The following H2AX variants were observed in gnomAD, a reference collection of about 807,000 sequenced individuals.
H2AX encodes the protein histone H2AX.
In H2AX, 2 loss-of-function variants were observed where a neutral mutation model predicts 8.0. The ratio of observed to expected loss-of-function variants is 0.25; its 90% CI spans 0.10 to 0.79. The LOEUF (loss-of-function observed/expected upper bound fraction) is 0.79, where lower values mean the gene tolerates loss of function less well. H2AX is among the 30% of genes least tolerant of loss of function. The pLI is 0.69. For missense variants in H2AX, 105 were observed against 201.0 expected, an observed-to-expected ratio of 0.52 and a Z score of 2.89; for synonymous variants, 110 against 102.5, an observed-to-expected ratio of 1.07 and a Z score of -0.44.
rs1946370586 is a variant in H2AX at position 119,095,221 on chromosome 11, G to A, written c.174C>T (p.Tyr58=). 1.2e-6 allele frequency: 2 copies of A among 1,613,842 alleles called. No individual in the cohort carries two copies. Among genetic ancestry groups the A allele is most frequent in the South Asian group, 1.1e-5 (1 of 91,086 alleles). ...APVYLAAVLE[Y]LTAEILELAG... is the part of the protein sequence containing the mutation. ...CCAGCTCCAGGATCTCAGCGGTGAGGTACTCCAGCACTGCCGCCAGGTACA... is the reference window on the plus strand; with the variant it reads ...CCAGCTCCAGGATCTCAGCGGTGAGATACTCCAGCACTGCCGCCAGGTACA... Residue 58 remains tyrosine (Y), a synonymous_variant, in exon 1 of 1, where the codon TAC becomes TAT. Transcript: ENST00000530167.
chr11:119,095,381 C>CCGCG lies in H2AX; in HGVS notation c.10_13dup (p.Gly5AlafsTer59), dbSNP rs1456929302. 6.4e-7 allele frequency: 1 copy of CCGCG among 1,565,910 alleles called. No homozygotes were observed. Reference sequence around the variant, plus strand: ...GGCGCGGGCCTTGCCGCCAGTCTTGCCGCGGCCCGACATGCTAGCGAGGTA... The same window carrying CCGCG: ...GGCGCGGGCCTTGCCGCCAGTCTTGCCGCGCGCGGCCCGACATGCTAGCGAGGTA... On this transcript the variant is annotated frameshift_variant, in exon 1 of 1. Transcript: ENST00000530167. LOFTEE classifies it high-confidence loss of function.
rs1064193 is a variant in H2AX, at chr11:119,094,628, T to A, written c.*335A>T. 0.3 allele frequency: 59,018 copies of A among 197,560 alleles called. 9,966 individuals carry two copies. The highest frequency in any genetic ancestry group is 0.51 in the East Asian group (4,411 of 8,652). 12.2% of individuals were successfully genotyped at this position (197,560 alleles called of 1,614,324 possible). On this transcript the variant is annotated 3_prime_UTR_variant, in exon 1 of 1. Transcript: ENST00000530167. ...GCGGGCAGGTGCGGCGCCGCCGGCC[T>A]CCCCCCGGCAGGCTCGGGTCTTCCG... is the stretch of plus-strand genomic sequence containing the variant.
Position 119,094,803 on chromosome 11 carries a change from G to A in H2AX, c.*160C>T, listed in dbSNP as rs1349425014. On this transcript the variant is annotated 3_prime_UTR_variant, in exon 1 of 1. Transcript: ENST00000530167. ...GGCGGGCGGGGACTCGAGGCCGGGC[G>A]GCGAAGGCGGGCGAGGGGAGGGGAG... 4 of 760,946 alleles carry A rather than the reference G, an allele frequency of 5.3e-6. No homozygotes were observed. The highest frequency in any genetic ancestry group is 1.9e-5 in the African/African-American group (1 of 53,684). 47.1% of individuals were successfully genotyped at this position (760,946 alleles called of 1,614,324 possible).
rs1406663704 is a variant in H2AX, at chr11:119,094,957, G to A, written c.*6C>T. 6 of 1,593,608 alleles carry A rather than the reference G, an allele frequency of 3.8e-6. No individual in the cohort carries two copies. Among genetic ancestry groups the A allele is most frequent in the African/African-American group, 2.7e-5 (2 of 73,760 alleles). ...GGCCTGGCGGCCGGCCGCGGCGCGG[G>A]CCCTCTTAGTACTCCTGGGAGGCCT... is the stretch of plus-strand genomic sequence containing the variant. On this transcript the variant is annotated 3_prime_UTR_variant, in exon 1 of 1. Coordinates refer to ENST00000530167, the MANE Select transcript of H2AX (RefSeq NM_002105.3).
chr11:119,094,891 C>T lies in H2AX; in HGVS notation c.*72G>A. On this transcript the variant is annotated 3_prime_UTR_variant, in exon 1 of 1. Transcript: ENST00000530167. Reference sequence around the variant, plus strand: ...AGCGGCTCAGCTCTTTCCATGAGGGCGGTGGTGGCCCTTAAAAGGGCCTTT... The same window carrying T: ...AGCGGCTCAGCTCTTTCCATGAGGGTGGTGGTGGCCCTTAAAAGGGCCTTT... The T allele has an allele frequency of 1.4e-6, 2 of 1,409,920 alleles. No individual in the cohort carries two copies. The highest frequency in any genetic ancestry group is 2.7e-5 in the Admixed American group (1 of 37,596). 87.3% of individuals were successfully genotyped at this position (1,409,920 alleles called of 1,614,324 possible). A position where few individuals can be genotyped will look rare whatever the true frequency, so the allele number is the denominator to read the frequency against.
chr11:119,095,241 G>C lies in H2AX; in HGVS notation c.154C>G (p.Leu52Val). Residue 52 changes from leucine (L) to valine (V), a missense_variant, in exon 1 of 1, where the codon CTG becomes GTG. Leu to Val is a conservative substitution (Grantham distance 32). Transcript: ENST00000530167. ...ERVGAGAPVY[L>V]AAVLEYLTAE... ...GTGAGGTACTCCAGCACTGCCGCCA[G>C]GTACACTGGCGCGCCGGCGCCAACG... The C allele has an allele frequency of 6.2e-7, 1 of 1,613,720 alleles. No individual in the cohort carries two copies. Among genetic ancestry groups the C allele is most frequent in the Non-Finnish European group, 8.5e-7 (1 of 1,179,714 alleles).
chr11:119,095,331 C>G lies in H2AX; in HGVS notation c.64G>C (p.Ala22Pro). ...RAKAKSRSSR[A>P]GLQFPVGRVH... ...CGGCCCACTGGGAACTGGAGGCCGG[C>G]GCGCGACGAGCGCGACTTGGCCTTG... is the stretch of plus-strand genomic sequence containing the variant. Residue 22 changes from alanine to proline, a missense_variant, in exon 1 of 1, where the codon GCC (alanine) becomes CCC (proline). Around this residue, in one of 3 missense-constraint regions of H2AX, gnomAD observed 55 missense variants for 144.4 expected, o/e 0.38. Coordinates refer to ENST00000530167, the MANE Select transcript of H2AX (RefSeq NM_002105.3). 6.2e-7 allele frequency: 1 copy of G among 1,603,042 alleles called. No individual in the cohort carries two copies. The highest frequency in any genetic ancestry group is 8.5e-7 in the Non-Finnish European group (1 of 1,174,536).
Position 119,094,081 on chromosome 11 carries a change from G to C in H2AX, c.*882C>G, listed in dbSNP as rs1943195682. On this transcript the variant is annotated 3_prime_UTR_variant, in exon 1 of 1. Transcript: ENST00000530167. ...CTGGAAGGGAAATGGGGCGGCGTCG[G>C]GGGGCCCGACAGGCCTGGCTGCCAG... The C allele has an allele frequency of 6.6e-6, 1 of 152,660 alleles. No homozygotes were observed. Among genetic ancestry groups the C allele is most frequent in the South Asian group, 2.1e-4 (1 of 4,824 alleles). 9.5% of individuals were successfully genotyped at this position (152,660 alleles called of 1,614,324 possible). A position where few individuals can be genotyped will look rare whatever the true frequency, so the allele number is the denominator to read the frequency against.
Position 119,094,559 on chromosome 11 carries a change from C to T in H2AX, c.*404G>A, listed in dbSNP as rs1946358013. On this transcript the variant is annotated 3_prime_UTR_variant, in exon 1 of 1. Transcript: ENST00000530167. ...GAAGGTGCTGCGGCCTCCCCGCAGC[C>T]CCTTAGCGACTCGGGATGGGGCGGC... 1 of 161,732 alleles carries T rather than the reference C, an allele frequency of 6.2e-6. No homozygotes were observed. The highest frequency in any genetic ancestry group is 6.5e-5 in the Admixed American group (1 of 15,432). 10.0% of individuals were successfully genotyped at this position (161,732 alleles called of 1,614,324 possible). A position where few individuals can be genotyped will look rare whatever the true frequency, so the allele number is the denominator to read the frequency against.
rs971355690 is a variant in H2AX at position 119,095,364 on chromosome 11, C to A, written c.31G>T (p.Ala11Ser). ...GAGCGCGACTTGGCCTTGGCGCGGG[C>A]CTTGCCGCCAGTCTTGCCGCGGCCC... MSGRGKTGGK[A>S]RAKAKSRSSR... Residue 11 changes from alanine to serine, a missense_variant, in exon 1 of 1, where the codon GCC becomes TCC. Transcript: ENST00000530167. The A allele has an allele frequency of 6.3e-7, 1 of 1,581,502 alleles. No individual in the cohort carries two copies. The highest frequency in any genetic ancestry group is 1.4e-5 in the African/African-American group (1 of 73,766).
Position 119,094,847 on chromosome 11 carries a change from C to T in H2AX, c.*116G>A. On this transcript the variant is annotated 3_prime_UTR_variant, in exon 1 of 1. Coordinates refer to ENST00000530167, the MANE Select transcript of H2AX (RefSeq NM_002105.3). ...AGGGGAGGGGAAGGGAGCCGCGGCC[C>T]GCTTGCCCCGCAGTCTGAAGCGGCT... is the stretch of plus-strand genomic sequence containing the variant. 8 of 1,135,400 alleles carry T rather than the reference C, an allele frequency of 7.0e-6. No individual in the cohort carries two copies. Among genetic ancestry groups the T allele is most frequent in the Non-Finnish European group, 8.4e-6 (7 of 830,902 alleles). 70.3% of individuals were successfully genotyped at this position (1,135,400 alleles called of 1,614,324 possible). A position where few individuals can be genotyped will look rare whatever the true frequency, so the allele number is the denominator to read the frequency against.
rs1946361344 is a variant in H2AX, at chr11:119,094,757, G to A, written c.*206C>T. ...GCAGGGCCCGAGGCCGACGCGGCAG[G>A]CGGTGCGGGACGGGAGCGGGGGCGG... On this transcript the variant is annotated 3_prime_UTR_variant, in exon 1 of 1. Coordinates refer to ENST00000530167, the MANE Select transcript of H2AX (RefSeq NM_002105.3). The A allele has an allele frequency of 9.2e-6, 5 of 541,226 alleles. No homozygotes were observed. Among genetic ancestry groups the A allele is most frequent in the Non-Finnish European group, 1.6e-5 (5 of 321,150 alleles). The allele number at this position is 541,226 out of a possible 1,614,324, so 33.5% of individuals were successfully genotyped here. A position where few individuals can be genotyped will look rare whatever the true frequency, so the allele number is the denominator to read the frequency against.
Position 119,094,875 on chromosome 11 carries a change from G to T in H2AX, c.*88C>A. The T allele has an allele frequency of 1.5e-6, 2 of 1,340,646 alleles. No homozygotes were observed. Among genetic ancestry groups the T allele is most frequent in the Non-Finnish European group, 2.0e-6 (2 of 1,004,234 alleles). 83.0% of individuals were successfully genotyped at this position (1,340,646 alleles called of 1,614,324 possible). On this transcript the variant is annotated 3_prime_UTR_variant, in exon 1 of 1. Coordinates refer to ENST00000530167, the MANE Select transcript of H2AX (RefSeq NM_002105.3). The stretch of plus-strand genomic sequence containing the variant: ...TTGCCCCGCAGTCTGAAGCGGCTCA[G>T]CTCTTTCCATGAGGGCGGTGGTGGC...
Position 119,095,462 on chromosome 11 carries a change from T to C in H2AX, c.-68A>G. 4 of 1,446,338 alleles carry C rather than the reference T, an allele frequency of 2.8e-6. No individual in the cohort carries two copies. The highest frequency in any genetic ancestry group is 3.6e-6 in the Non-Finnish European group (4 of 1,102,664). 89.6% of individuals were successfully genotyped at this position (1,446,338 alleles called of 1,614,324 possible). A position where few individuals can be genotyped will look rare whatever the true frequency, so the allele number is the denominator to read the frequency against. On this transcript the variant is annotated 5_prime_UTR_variant, in exon 1 of 1. Coordinates refer to ENST00000530167, the MANE Select transcript of H2AX (RefSeq NM_002105.3). The stretch of plus-strand genomic sequence containing the variant: ...GAACAGACGCCCGCCGCAGTGTAAC[T>C]GCTGTCGCGCGCGCGCCGCGAGGCC...
Position 119,095,401 on chromosome 11 carries a change from G to C in H2AX, c.-7C>G. On this transcript the variant is annotated 5_prime_UTR_variant, in exon 1 of 1. Coordinates refer to ENST00000530167, the MANE Select transcript of H2AX (RefSeq NM_002105.3). ...TCTTGCCGCGGCCCGACATGCTAGCGAGGTAGACCGGTGAAGCACGACGGC... is the reference window on the plus strand; with the variant it reads ...TCTTGCCGCGGCCCGACATGCTAGCCAGGTAGACCGGTGAAGCACGACGGC... 6.5e-7 allele frequency: 1 copy of C among 1,536,726 alleles called. No individual in the cohort carries two copies. Among genetic ancestry groups the C allele is most frequent in the East Asian group, 2.3e-5 (1 of 43,466 alleles).
rs1565760582 is a variant in H2AX, at chr11:119,094,741, G to A, written c.*222C>T. ...GCGGACGGCGGACAGGGCAGGGCCC[G>A]AGGCCGACGCGGCAGGCGGTGCGGG... is the stretch of plus-strand genomic sequence containing the variant. On this transcript the variant is annotated 3_prime_UTR_variant, in exon 1 of 1. Coordinates refer to ENST00000530167, the MANE Select transcript of H2AX (RefSeq NM_002105.3). 2.0e-6 allele frequency: 1 copy of A among 512,152 alleles called. No homozygotes were observed. The highest frequency in any genetic ancestry group is 3.3e-6 in the Non-Finnish European group (1 of 298,838). The allele number at this position is 512,152 out of a possible 1,614,324, so 31.7% of individuals were successfully genotyped here. A position where few individuals can be genotyped will look rare whatever the true frequency, so the allele number is the denominator to read the frequency against.
At position 119,095,453 on chromosome 11, in the gene H2AX, C is replaced by A; in HGVS notation, c.-59G>T. On this transcript the variant is annotated 5_prime_UTR_variant, in exon 1 of 1. Coordinates refer to ENST00000530167, the MANE Select transcript of H2AX (RefSeq NM_002105.3). ...CAAACACTAGAACAGACGCCCGCCG[C>A]AGTGTAACTGCTGTCGCGCGCGCGC... 4 of 1,458,942 alleles carry A rather than the reference C, an allele frequency of 2.7e-6. No homozygotes were observed. The South Asian group carries it at 4.3e-5, about 16-fold the overall frequency. 90.4% of individuals were successfully genotyped at this position (1,458,942 alleles called of 1,614,324 possible).
chr11:119,095,442 G>A lies in H2AX; in HGVS notation c.-48C>T, dbSNP rs28990978. 153 of 1,452,978 alleles carry A rather than the reference G, an allele frequency of 1.1e-4. No individual in the cohort carries two copies. In the African/African-American group the frequency reaches 1.7e-3, roughly 16 times the overall value. The allele number at this position is 1,452,978 out of a possible 1,614,324, so 90.0% of individuals were successfully genotyped here. On this transcript the variant is annotated 5_prime_UTR_variant, in exon 1 of 1. Coordinates refer to ENST00000530167, the MANE Select transcript of H2AX (RefSeq NM_002105.3). ...GCACGACGGCTCAAACACTAGAACA[G>A]ACGCCCGCCGCAGTGTAACTGCTGT... is the stretch of plus-strand genomic sequence containing the variant.
In H2AX at chr11:119,094,774, C is replaced by T; in HGVS notation, c.*189G>A. 1 of 607,798 alleles carries T rather than the reference C, an allele frequency of 1.6e-6. No individual in the cohort carries two copies. The highest frequency in any genetic ancestry group is 3.1e-5 in the East Asian group (1 of 31,830). The allele number at this position is 607,798 out of a possible 1,614,324, so 37.7% of individuals were successfully genotyped here. On this transcript the variant is annotated 3_prime_UTR_variant, in exon 1 of 1. Transcript: ENST00000530167. ...CGCGGCAGGCGGTGCGGGACGGGAG[C>T]GGGGGCGGGCGGGGACTCGAGGCCG...
Sources: allele counts gnomAD v4.1 joint callset, GRCh38; gene constraint gnomAD v4.1.1; regional missense constraint gnomAD v4.1.1; transcripts MANE v1.5; gene names NCBI Gene and HGNC (gene_info 2026-07-23, HGNC 2026-07-21).